The following ANAPC10 variants were observed in gnomAD, a reference collection of about 807,000 sequenced individuals.
The protein encoded by ANAPC10 is anaphase promoting complex subunit 10.
ANAPC10 carries 12 observed loss-of-function variants against 22.0 expected under a neutral mutation model. The ratio of observed to expected loss-of-function variants is 0.55; its 90% CI spans 0.35 to 0.88. ANAPC10 has a LOEUF of 0.88. Among genes scored for constraint, ANAPC10 ranks in the 40% least tolerant of loss-of-function variants. The pLI is 0.01. For missense variants in ANAPC10, 188 were observed against 220.9 expected (o/e 0.85, Z 0.94); for synonymous variants, 65 against 69.5 (o/e 0.94, Z 0.32).
intron 4 of ANAPC10, among the ~76,000 whole-genome samples, chr4:145,012,820 T>C (rs986438246): frequency 7.9e-5 from 12 of 152,148 alleles, no homozygotes; most frequent in African/African-American, 2.7e-4. Context: ...TTGATATAGT[T>C]TGGGTCTGTG....
chr4:145,044,643 A>G (rs2127158860), intron 4 of ANAPC10, among the ~76,000 whole-genome samples: 1 of 152,250 alleles, frequency 6.6e-6, no homozygotes, highest in South Asian at 2.1e-4. Flanking sequence ...AGGGTCAATT[A>G]GTCTTGTGAA....
At chr4:145,048,634 G>T (rs1740667626) in intron 4 of ANAPC10, among the ~76,000 whole-genome samples, 1 of 151,880 alleles carries the variant, frequency 6.6e-6, no homozygotes, top group African/African-American at 2.4e-5. Flanking sequence ...CTCAATATAG[G>T]TCCATGGATA....
intron 4 of ANAPC10, among the ~76,000 whole-genome samples, chr4:145,018,608 G>T (rs528259260): frequency 5.9e-5 from 9 of 151,560 alleles, no homozygotes; most frequent in Non-Finnish European, 1.3e-4. Context: ...ATTGCACTCA[G>T]CCTGGGTGAC....
chr4:145,034,346 T>G (rs889127391), intron 4 of ANAPC10, among the ~76,000 whole-genome samples: 4 of 151,816 alleles, frequency 2.6e-5, no homozygotes, highest in Admixed American at 2.6e-4. Flanking sequence ...AAAGGAGAGA[T>G]GGGCCTAGGC....
chr4:145,063,173 C>CA (rs777258057), intron 4 of ANAPC10, among the ~76,000 whole-genome samples: 5 of 151,960 alleles, frequency 3.3e-5, no homozygotes, highest in African/African-American at 4.8e-5. Flanking sequence ...GTTCTCACCA[C>CA]AAAAAAGTGG....
At chr4:145,076,260 G>A (rs780303136) in intron 3 of ANAPC10, among the ~76,000 whole-genome samples, 8 of 152,158 alleles carry the variant, frequency 5.3e-5, no homozygotes, top group Non-Finnish European at 8.8e-5. Flanking sequence ...TTATCTTGAA[G>A]GGCCAGAGAA....
At chr4:145,064,475 T>C (rs1743381886) in intron 4 of ANAPC10, 97 bp downstream of exon 4, 1 of 952,104 alleles carries the variant, frequency 1.1e-6, no homozygotes, top group Non-Finnish European at 1.4e-6. Flanking sequence ...TCTTATATAT[T>C]AACATTTTAA....
At chr4:145,095,214 C>T (rs867850060) in intron 2 of ANAPC10, among the ~76,000 whole-genome samples, 7 of 152,126 alleles carry the variant, frequency 4.6e-5, no homozygotes, top group African/African-American at 1.4e-4. Context: ...GTTTCATCTC[C>T]GCAGTTTCAG....
chr4:145,062,235 T>A (rs1743001102), intron 4 of ANAPC10, among the ~76,000 whole-genome samples: 1 of 152,128 alleles, frequency 6.6e-6, no homozygotes. Flanking sequence ...AGAAGAAATG[T>A]TTTTAAATTA....
At chr4:145,001,431 A>C (rs949842986) in intron 4 of ANAPC10, among the ~76,000 whole-genome samples, 1 of 152,210 alleles carries the variant, frequency 6.6e-6, no homozygotes, top group Admixed American at 6.6e-5. Flanking sequence ...TCATAGACAC[A>C]GAAAGTAGAA....
intron 4 of ANAPC10, among the ~76,000 whole-genome samples, chr4:144,999,651 C>T (rs1020558011): frequency 6.6e-6 from 1 of 152,138 alleles, no homozygotes; most frequent in East Asian, 1.9e-4. Flanking sequence ...AGATTCAATG[C>T]TATCCTCATC....
At chr4:145,031,352 T>A (rs1160370550) in intron 4 of ANAPC10, among the ~76,000 whole-genome samples, 1 of 152,152 alleles carries the variant, frequency 6.6e-6, no homozygotes, top group Non-Finnish European at 1.5e-5. Context: ...CCAACTAAAA[T>A]TCCGGGACCG....
At chr4:145,005,279 C>G (rs1578874107) in intron 4 of ANAPC10, among the ~76,000 whole-genome samples, 3 of 152,096 alleles carry the variant, frequency 2.0e-5, no homozygotes, top group Admixed American at 2.0e-4. Context: ...ATAATAGTCT[C>G]TCAGGGATTT....
At chr4:145,048,081 A>G (rs1188668441) in intron 4 of ANAPC10, among the ~76,000 whole-genome samples, 1 of 152,170 alleles carries the variant, frequency 6.6e-6, no homozygotes, top group Non-Finnish European at 1.5e-5. Flanking sequence ...GTAGGCTGCT[A>G]GAGTCGAATC....
intron 4 of ANAPC10, among the ~76,000 whole-genome samples, chr4:145,021,122 C>CT (rs1221394586): frequency 2.0e-5 from 3 of 151,938 alleles, no homozygotes. Flanking sequence ...TACAAATTCA[C>CT]TGCAATCCCC....
At chr4:145,070,611 A>G (rs1744354149) in intron 3 of ANAPC10, among the ~76,000 whole-genome samples, 1 of 152,224 alleles carries the variant, frequency 6.6e-6, no homozygotes, top group Admixed American at 6.5e-5. Flanking sequence ...TTAAACATAG[A>G]ATTACCATAT....
chr4:145,046,801 C>T (rs1740374099), intron 4 of ANAPC10, among the ~76,000 whole-genome samples: 1 of 151,892 alleles, frequency 6.6e-6, no homozygotes, highest in African/African-American at 2.4e-5. Flanking sequence ...TTAAAAAAAA[C>T]ACTTCATGCT....
At chr4:145,056,039 T>C (rs533506533) in intron 4 of ANAPC10, among the ~76,000 whole-genome samples, 2 of 152,294 alleles carry the variant, frequency 1.3e-5, no homozygotes, top group South Asian at 4.2e-4. Context: ...ACTTCTGGTA[T>C]TGTCAGAGGC....
chr4:145,070,189 C>T (rs910402299), intron 3 of ANAPC10, among the ~76,000 whole-genome samples: 1 of 152,158 alleles, frequency 6.6e-6, no homozygotes, highest in Non-Finnish European at 1.5e-5. Flanking sequence ...GGACCGCCAC[C>T]TATTTTTGTA....
Sources: gnomAD v4.1 joint callset for allele counts (sites outside exome capture counted in the v4.1 genomes callset) on GRCh38, gnomAD v4.1.1 for gene constraint, MANE v1.5 for transcripts, NCBI Gene and HGNC (gene_info 2026-07-23, HGNC 2026-07-21) for gene names.